Variants in CLSTN2 observed in about 807,000 individuals in gnomAD.
CLSTN2 encodes calsyntenin-2.
A neutral mutation model predicts 101.2 loss-of-function variants in CLSTN2; 48 were observed. That is an observed-to-expected ratio of 0.47 (90% CI 0.38 to 0.60). The LOEUF (loss-of-function observed/expected upper bound fraction) is 0.60. Ranked by LOEUF, CLSTN2 falls within the 20% of genes least tolerant of loss-of-function variation. CLSTN2 has a pLI of 0.00. For synonymous variants in CLSTN2, 481 were observed against 463.6 expected (o/e 1.04, Z -0.48); for missense variants, 1,160 against 1,238.2 (o/e 0.94, Z 0.95).
intron 1 of CLSTN2, among the ~76,000 whole-genome samples, chr3:140,044,722 G>C (rs1389526734): frequency 6.6e-6 from 1 of 152,156 alleles, no homozygotes; most frequent in Non-Finnish European, 1.5e-5. Flanking sequence ...CTAACTTATT[G>C]AGAGTTTTTA....
Position 140,360,933 on chromosome 3 carries a change from A to G in CLSTN2, c.233-42696A>G, listed in dbSNP as rs546006976. Among the ~76,000 whole-genome samples, 3 of 152,312 alleles carry G rather than the reference A, an allele frequency of 2.0e-5. No homozygotes were observed. In the East Asian group the frequency reaches 5.8e-4, roughly 29 times the overall value. The stretch of plus-strand genomic sequence containing the variant: ...ACTGGTGAATTTTGCTACATACTTA[A>G]AGAAGAAGTAATGCAAATCTTTTAC... On this transcript the variant is annotated intron_variant, in intron 2 of 16. Coordinates refer to ENST00000458420, the MANE Select transcript of CLSTN2 (RefSeq NM_022131.3).
At chr3:140,019,686 G>C (rs185108700) in intron 1 of CLSTN2, among the ~76,000 whole-genome samples, 3 of 152,182 alleles carry the variant, frequency 2.0e-5, no homozygotes, top group African/African-American at 7.2e-5. Flanking sequence ...AAAGGTTCTC[G>C]GAGGGTCAGA....
rs1158399658 is a variant in CLSTN2 at position 140,473,735 on chromosome 3, GTT to G, written c.1344+7009_1344+7010del. Among the ~76,000 whole-genome samples, 8 of 86,264 alleles carry G rather than the reference GTT, an allele frequency of 9.3e-5. No homozygotes were observed. In the East Asian group the frequency reaches 1.7e-3, roughly 18 times the overall value. 56.6% of individuals were successfully genotyped at this position (86,264 alleles called of 152,430 possible). A position where few individuals can be genotyped will look rare whatever the true frequency, so the allele number is the denominator to read the frequency against. ...ACTATAAGATAATAAATCTATGGGG[GTT>G]TTTTGTGTTTTTTTTTTGTTGTTGT... On this transcript the variant is annotated intron_variant, in intron 8 of 16. Transcript: ENST00000458420.
At chr3:140,324,779 C>A (rs1035447738) in intron 2 of CLSTN2, among the ~76,000 whole-genome samples, 1 of 152,200 alleles carries the variant, frequency 6.6e-6, no homozygotes, top group Non-Finnish European at 1.5e-5. Flanking sequence ...AAAATCCTTA[C>A]GTCTCATGCA....
chr3:140,410,991 T>A (rs954185915), intron 4 of CLSTN2, among the ~76,000 whole-genome samples: 5 of 151,736 alleles, frequency 3.3e-5, no homozygotes, highest in African/African-American at 1.2e-4. Context: ...AATTATCAAG[T>A]CACAAAAGAA....
chr3:140,115,071 T>C (rs987188468), intron 1 of CLSTN2, among the ~76,000 whole-genome samples: 1 of 152,218 alleles, frequency 6.6e-6, no homozygotes, highest in Non-Finnish European at 1.5e-5. Context: ...TAGGTGATTA[T>C]GTGTGTAGTT....
chr3:140,067,233 A>G (rs77484828), intron 1 of CLSTN2, among the ~76,000 whole-genome samples: 20,769 of 149,344 alleles, frequency 0.14, 1,454 homozygotes, highest in African/African-American at 0.17. Flanking sequence ...GCAGAGTAAC[A>G]CATGCTTGGG....
chr3:140,548,764 C>A (rs901116928), intron 10 of CLSTN2, among the ~76,000 whole-genome samples: 2 of 152,170 alleles, frequency 1.3e-5, no homozygotes, highest in African/African-American at 4.8e-5. Context: ...TCAGAGCCCA[C>A]CTATTAACCA....
intron 3 of CLSTN2, 152 bp downstream of exon 3, chr3:140,403,976 G>C (rs1367824603): frequency 1.6e-6 from 1 of 628,962 alleles, no homozygotes; most frequent in African/African-American, 1.8e-5. Flanking sequence ...GTCCCATGCA[G>C]GCATCTTCCC....
At chr3:139,953,694 C>T (rs1379216073) in intron 1 of CLSTN2, among the ~76,000 whole-genome samples, 1 of 152,152 alleles carries the variant, frequency 6.6e-6, no homozygotes, top group Non-Finnish European at 1.5e-5. Flanking sequence ...GGTATTTTAC[C>T]CAGTGTCTGG....
intron 2 of CLSTN2, among the ~76,000 whole-genome samples, chr3:140,304,664 G>T (rs2087094702): frequency 6.6e-6 from 1 of 152,168 alleles, no homozygotes; most frequent in African/African-American, 2.4e-5. Flanking sequence ...ATAATACCCT[G>T]TTTGGATTTT....
At chr3:140,080,829 A>C (rs530469419) in intron 1 of CLSTN2, among the ~76,000 whole-genome samples, 1 of 152,282 alleles carries the variant, frequency 6.6e-6, no homozygotes, top group African/African-American at 2.4e-5. Flanking sequence ...GGTTTGCCAC[A>C]AGGATGGGGT....
intron 1 of CLSTN2, among the ~76,000 whole-genome samples, chr3:140,033,265 A>C (rs1158456007): frequency 6.6e-6 from 1 of 152,212 alleles, no homozygotes; most frequent in Non-Finnish European, 1.5e-5. Context: ...CCGCTTCATT[A>C]GGGAACCAGG....
chr3:140,429,792 A>G (rs545126657), intron 5 of CLSTN2, among the ~76,000 whole-genome samples: 1 of 152,266 alleles, frequency 6.6e-6, no homozygotes, highest in South Asian at 2.1e-4. Context: ...TCCAAACTCA[A>G]GTTAAAGTGG....
chr3:140,128,766 C>A (rs1398154114), intron 1 of CLSTN2, among the ~76,000 whole-genome samples: 3 of 152,132 alleles, frequency 2.0e-5, no homozygotes. Context: ...CAGGAGAGGG[C>A]AGGCGAGAGA....
Position 140,448,623 on chromosome 3 carries a change from G to T in CLSTN2, c.892G>T (p.Val298Phe). 4 of 1,614,076 alleles carry T rather than the reference G, an allele frequency of 2.5e-6. No homozygotes were observed. The highest frequency in any genetic ancestry group is 3.4e-6 in the Non-Finnish European group (4 of 1,179,996). The change falls in exon 6 of 17, where the codon GTC (valine) becomes TTC (phenylalanine). Residue 298 changes from valine (V) to phenylalanine (F), a missense_variant. Transcript: ENST00000458420. ...TGGAGCCGTGTCTTCCCTCCAGATC[G>T]TCACAGAGCTGCAGACTAATTACAT... is the stretch of plus-strand genomic sequence containing the variant. ...CDGAVSSLQI[V>F]TELQTNYIGK... is the part of the protein sequence containing the mutation.
intron 2 of CLSTN2, among the ~76,000 whole-genome samples, chr3:140,183,342 C>T (rs2010437060): frequency 6.6e-6 from 1 of 152,046 alleles, no homozygotes; most frequent in Non-Finnish European, 1.5e-5. Flanking sequence ...CTTCTAGTGC[C>T]CAAACCAGGA....
chr3:139,937,128 C>T (rs1441402569), intron 1 of CLSTN2, among the ~76,000 whole-genome samples: 2 of 152,114 alleles, frequency 1.3e-5, no homozygotes, highest in Non-Finnish European at 2.9e-5. Flanking sequence ...GGAGATTTCC[C>T]ATCACTTTGT....
intron 1 of CLSTN2, among the ~76,000 whole-genome samples, chr3:140,111,097 T>G (rs989298974): frequency 6.6e-6 from 1 of 152,206 alleles, no homozygotes; most frequent in African/African-American, 2.4e-5. Flanking sequence ...TCATGGCTAA[T>G]CATTCTTGAG....
Sources: allele counts gnomAD v4.1 joint callset (sites outside exome capture counted in the v4.1 genomes callset), GRCh38; gene constraint gnomAD v4.1.1; transcripts MANE v1.5; gene names NCBI Gene and HGNC (gene_info 2026-07-23, HGNC 2026-07-21).